The following MACROD2 variants were observed in gnomAD, a reference collection of about 807,000 sequenced individuals.
MACROD2 encodes the protein mono-ADP ribosylhydrolase 2.
MACROD2 carries 36 observed loss-of-function variants against 70.4 expected under a neutral mutation model. The observed-to-expected ratio is 0.51, with a 90% CI of 0.39 to 0.68. MACROD2 has a LOEUF of 0.68. Among genes scored for constraint, MACROD2 ranks in the 30% least tolerant of loss-of-function variants. The pLI is 0.00. For missense variants in MACROD2, 496 were observed against 538.4 expected (o/e 0.92, Z 0.78); for synonymous variants, 172 against 178.8 (o/e 0.96, Z 0.30).
chr20:14,053,058 T>C (rs993172337), intron 2 of MACROD2: 4 of 151,494 alleles, frequency 2.6e-5, no homozygotes, highest in Non-Finnish European at 5.9e-5. Flanking sequence ...AGAGAGAATT[T>C]TGTATTATTT....
intron 3 of MACROD2, among the ~76,000 whole-genome samples, chr20:14,417,691 T>A (rs2083825502): frequency 6.6e-6 from 1 of 152,174 alleles, no homozygotes; most frequent in Non-Finnish European, 1.5e-5. Flanking sequence ...TTTGTGTAGG[T>A]TTTCCACAGT....
intron 3 of MACROD2, among the ~76,000 whole-genome samples, chr20:14,189,752 C>T (rs2081370321): frequency 6.6e-6 from 1 of 152,278 alleles, no homozygotes; most frequent in South Asian, 2.1e-4. Context: ...CAGATGTCAT[C>T]ATGAATGTCA....
chr20:15,265,841 T>C (rs536136268), intron 6 of MACROD2, among the ~76,000 whole-genome samples: 1 of 152,358 alleles, frequency 6.6e-6, no homozygotes, highest in African/African-American at 2.4e-5. Context: ...TGATTTCTGA[T>C]TTCTCTAACT....
chr20:15,916,845 TA>T (rs1449039048), intron 10 of MACROD2, among the ~76,000 whole-genome samples: 1 of 152,182 alleles, frequency 6.6e-6, no homozygotes, highest in East Asian at 1.9e-4. Flanking sequence ...TGAGTTCAGG[TA>T]TGCGGTTTCC....
At chr20:15,952,876 C>G (rs1188760964) in intron 12 of MACROD2, among the ~76,000 whole-genome samples, 3 of 152,172 alleles carry the variant, frequency 2.0e-5, no homozygotes, top group Non-Finnish European at 4.4e-5. Flanking sequence ...AGATTTGCAT[C>G]TACCACCATG....
intron 6 of MACROD2, among the ~76,000 whole-genome samples, chr20:15,263,061 C>A (rs116943619): frequency 0.021 from 3,224 of 151,998 alleles, 48 homozygotes; most frequent in Middle Eastern, 0.075. Context: ...TCTATTTGTG[C>A]ATTTTTGCTT....
intron 5 of MACROD2, among the ~76,000 whole-genome samples, chr20:15,134,646 C>A (rs1362874385): frequency 2.0e-5 from 3 of 151,754 alleles, no homozygotes; most frequent in Non-Finnish European, 4.4e-5. Flanking sequence ...CCTAACATCA[C>A]AATTAAAAGA....
chr20:15,115,035 C>T lies in MACROD2; in HGVS notation c.419-114905C>T, dbSNP rs181678362. Among the ~76,000 whole-genome samples, 3 of 152,288 alleles carry T rather than the reference C, an allele frequency of 2.0e-5. No individual in the cohort carries two copies. The East Asian group carries it at 5.8e-4, about 29-fold the overall frequency. On this transcript the variant is annotated intron_variant, in intron 5 of 17. Transcript: ENST00000684519. ...GAGAGTTCCTGCCACCTATCTTTGC[C>T]AATTCCTATTCCCTAACTTCCTTTT...
chr20:16,033,722 A>G (rs1458254586), intron 15 of MACROD2, among the ~76,000 whole-genome samples: 1 of 152,080 alleles, frequency 6.6e-6, no homozygotes, highest in East Asian at 1.9e-4. Flanking sequence ...TAGAAATGCC[A>G]GGACTTGGAT....
At chr20:15,591,757 C>T (rs978115207) in intron 8 of MACROD2, among the ~76,000 whole-genome samples, 5 of 152,086 alleles carry the variant, frequency 3.3e-5, no homozygotes, top group Admixed American at 1.3e-4. Flanking sequence ...TATTTGGTGG[C>T]TAATTATCTG....
intron 3 of MACROD2, among the ~76,000 whole-genome samples, chr20:14,255,681 T>C (rs558488238): frequency 3.4e-5 from 4 of 119,274 alleles, no homozygotes; most frequent in Admixed American, 1.8e-4. Context: ...TACTTAAAAG[T>C]ATAATAAATA....
At position 15,826,534 on chromosome 20, in the gene MACROD2, G is replaced by T. The variant is rs1023091545; in HGVS notation, c.646-36211G>T. 5.3e-5 allele frequency among the ~76,000 whole-genome samples: 8 copies of T among 152,124 alleles called. No individual in the cohort carries two copies. In the East Asian group the frequency reaches 1.5e-3, roughly 29 times the overall value. On this transcript the variant is annotated intron_variant, in intron 8 of 17. Transcript: ENST00000684519. ...TTTTTTTAAGCTTTTGAATGGAGAAGAAGTCTCATCTACCTTGAAACATTA... is the reference window on the plus strand; with the variant it reads ...TTTTTTTAAGCTTTTGAATGGAGAATAAGTCTCATCTACCTTGAAACATTA...
chr20:14,952,800 G>A (rs1248885220), intron 5 of MACROD2, among the ~76,000 whole-genome samples: 1 of 152,044 alleles, frequency 6.6e-6, no homozygotes, highest in Non-Finnish European at 1.5e-5. Flanking sequence ...CACAAAGAGG[G>A]AAGTAAAAGG....
At chr20:14,806,169 G>T (rs1309074211) in intron 5 of MACROD2, among the ~76,000 whole-genome samples, 3 of 152,106 alleles carry the variant, frequency 2.0e-5, no homozygotes, top group Admixed American at 1.3e-4. Flanking sequence ...CTCGAAGAGG[G>T]CCGAATAGGA....
intron 4 of MACROD2, among the ~76,000 whole-genome samples, chr20:14,645,321 T>A (rs959358477): frequency 6.6e-6 from 1 of 152,060 alleles, no homozygotes; most frequent in Non-Finnish European, 1.5e-5. Flanking sequence ...AATAATATAT[T>A]CTAGTCAGCC....
chr20:15,181,793 C>T (rs2076502587), intron 5 of MACROD2, among the ~76,000 whole-genome samples: 1 of 152,150 alleles, frequency 6.6e-6, no homozygotes, highest in South Asian at 2.1e-4. Flanking sequence ...ATGTCCATCC[C>T]TTGACTTTGC....
At chr20:14,223,823 ATTAG>A (rs1351928680) in intron 3 of MACROD2, among the ~76,000 whole-genome samples, 19 of 152,112 alleles carry the variant, frequency 1.2e-4, no homozygotes, top group Non-Finnish European at 5.9e-5. Context: ...TTGGGACTGT[ATTAG>A]TTAGGGTTCT....
chr20:14,061,786 C>T (rs1251895364), intron 2 of MACROD2, among the ~76,000 whole-genome samples: 1 of 152,164 alleles, frequency 6.6e-6, no homozygotes, highest in Non-Finnish European at 1.5e-5. Context: ...CACACTGAGT[C>T]AGTAAGCTGA....
chr20:15,673,188 A>G (rs1339482312), intron 8 of MACROD2, among the ~76,000 whole-genome samples: 4 of 152,212 alleles, frequency 2.6e-5, no homozygotes, highest in Non-Finnish European at 5.9e-5. Flanking sequence ...ATTAAGAAAG[A>G]GGGGAAGATA....
Sources: allele counts gnomAD v4.1 joint callset (sites outside exome capture counted in the v4.1 genomes callset), GRCh38; gene constraint gnomAD v4.1.1; transcripts MANE v1.5; gene names NCBI Gene and HGNC (gene_info 2026-07-23, HGNC 2026-07-21).